Variants in AFG1L observed in about 807,000 individuals in gnomAD.
AFG1L encodes the protein AFG1-like ATPase.
AFG1L carries 53 observed loss-of-function variants against 62.2 expected under a neutral mutation model. The observed-to-expected ratio is 0.85, with a 90% CI of 0.68 to 1.07. AFG1L has a LOEUF of 1.07. Among genes scored for constraint, AFG1L ranks in the 50% least tolerant of loss-of-function variants. AFG1L has a pLI of 0.00. For synonymous variants in AFG1L, 228 were observed against 210.3 expected, an observed-to-expected ratio of 1.08 and a Z score of -0.73; for missense variants, 555 against 590.5, an observed-to-expected ratio of 0.94 and a Z score of 0.62.
chr6:108,385,826 C>T (rs1053611980), intron 6 of AFG1L, among the ~76,000 whole-genome samples: 8 of 152,172 alleles, frequency 5.3e-5, no homozygotes, highest in South Asian at 2.1e-4. Flanking sequence ...GAACTTCCTG[C>T]GAGAATGAAG....
At chr6:108,406,117 C>G (rs1781840920) in intron 7 of AFG1L, among the ~76,000 whole-genome samples, 1 of 152,142 alleles carries the variant, frequency 6.6e-6, no homozygotes, top group Non-Finnish European at 1.5e-5. Context: ...CTGTTTGAGT[C>G]CCTGCTTTCA....
At chr6:108,452,800 A>AG (rs913983117) in intron 8 of AFG1L, among the ~76,000 whole-genome samples, 1 of 152,102 alleles carries the variant, frequency 6.6e-6, no homozygotes, top group Non-Finnish European at 1.5e-5. Flanking sequence ...TGTTTTGCTG[A>AG]GGGCCTAGAT....
intron 8 of AFG1L, among the ~76,000 whole-genome samples, chr6:108,458,877 T>C (rs1221115087): frequency 6.6e-6 from 1 of 152,192 alleles, no homozygotes; most frequent in African/African-American, 2.4e-5. Flanking sequence ...TTCCTTTAAG[T>C]ACTTTGAGAC....
In AFG1L at chr6:108,323,911, C is replaced by G; in HGVS notation, c.226C>G (p.Leu76Val). Reference protein sequence around the residue: ...LKALAVCHGPLDHYDFLIKAH... With the variant: ...LKALAVCHGPVDHYDFLIKAH... ...AGCTTTGGCCGTTTGCCATGGACCT[C>G]TGGACCACTATGATTTTCTGATCAA... Residue 76 changes from leucine (L) to valine (V), a missense_variant, in exon 2 of 13, where the codon CTG (leucine) becomes GTG (valine). Physicochemically the swap from Leu to Val is conservative, Grantham distance 32 (BLOSUM62 1). Coordinates refer to ENST00000368977, the MANE Select transcript of AFG1L (RefSeq NM_145315.5). 1 of 1,614,174 alleles carries G rather than the reference C, an allele frequency of 6.2e-7. No homozygotes were observed. The highest frequency in any genetic ancestry group is 8.5e-7 in the Non-Finnish European group (1 of 1,180,026).
chr6:108,327,474 G>T (rs553419119), intron 2 of AFG1L, among the ~76,000 whole-genome samples: 2 of 152,206 alleles, frequency 1.3e-5, no homozygotes, highest in Non-Finnish European at 2.9e-5. Context: ...GGCAAATTCA[G>T]TGTCTGATGA....
intron 1 of AFG1L, among the ~76,000 whole-genome samples, chr6:108,310,882 A>C (rs1043982647): frequency 6.6e-6 from 1 of 152,058 alleles, no homozygotes; most frequent in Non-Finnish European, 1.5e-5. Flanking sequence ...CCTGGAAGTT[A>C]ATATTATTTT....
In AFG1L at chr6:108,502,164, T is replaced by C. The variant is rs557993340; in HGVS notation, c.1063-8048T>C. Among the ~76,000 whole-genome samples, 4 of 151,834 alleles carry C rather than the reference T, an allele frequency of 2.6e-5. No individual in the cohort carries two copies. In the East Asian group the frequency reaches 7.8e-4, roughly 30 times the overall value. On this transcript the variant is annotated intron_variant, in intron 10 of 12. Coordinates refer to ENST00000368977, the MANE Select transcript of AFG1L (RefSeq NM_145315.5). ...GGCTCAGCCTCCTGAGTAGCTGAGA[T>C]TACAGGTGCAGCCACCATGCCTGGT...
chr6:108,334,307 G>T (rs56774334), intron 2 of AFG1L, among the ~76,000 whole-genome samples: 14,549 of 151,900 alleles, frequency 0.096, 1,938 homozygotes, highest in African/African-American at 0.3. Context: ...GCCTGGCAGG[G>T]TTAATTGATT....
chr6:108,485,246 A>G (rs1297287993), intron 10 of AFG1L, among the ~76,000 whole-genome samples: 1 of 152,178 alleles, frequency 6.6e-6, no homozygotes, highest in Non-Finnish European at 1.5e-5. Context: ...TCTCAGACTC[A>G]GCAGACTGAA....
intron 7 of AFG1L, among the ~76,000 whole-genome samples, chr6:108,407,794 G>A (rs556050139): frequency 2.8e-4 from 42 of 151,994 alleles, no homozygotes; most frequent in African/African-American, 1.0e-3. Flanking sequence ...TACTTTTCAG[G>A]GTCTCCTGAT....
chr6:108,332,757 A>G (rs1214399663), intron 2 of AFG1L, among the ~76,000 whole-genome samples: 1 of 151,946 alleles, frequency 6.6e-6, no homozygotes, highest in African/African-American at 2.4e-5. Context: ...ACATGTGCAT[A>G]CCACCATGCC....
At chr6:108,407,960 C>T (rs1281722737) in intron 7 of AFG1L, among the ~76,000 whole-genome samples, 2 of 152,116 alleles carry the variant, frequency 1.3e-5, no homozygotes, top group Non-Finnish European at 2.9e-5. Flanking sequence ...TTTTTTCCCC[C>T]TGGTTGTGAG....
chr6:108,446,810 T>C (rs960444070), intron 7 of AFG1L, among the ~76,000 whole-genome samples: 2 of 152,024 alleles, frequency 1.3e-5, no homozygotes, highest in African/African-American at 4.8e-5. Flanking sequence ...CACTCCCAGC[T>C]CTCTTATGCT....
At position 108,447,181 on chromosome 6, in the gene AFG1L, T is replaced by C. The variant is rs764610715; in HGVS notation, c.808-33T>C. ...GATTGTAATTCTGAGCCACTACTTG[T>C]TTAAAAAGGCACTTCATTTGTTTGG... On this transcript the variant is annotated intron_variant, in intron 7 of 12. Coordinates refer to ENST00000368977, the MANE Select transcript of AFG1L (RefSeq NM_145315.5). The C allele has an allele frequency of 5.2e-6, 6 of 1,161,514 alleles. No homozygotes were observed. In the Admixed American group the frequency reaches 1.1e-4, roughly 21 times the overall value. The allele number at this position is 1,161,514 out of a possible 1,614,324, so 72.0% of individuals were successfully genotyped here. A position where few individuals can be genotyped will look rare whatever the true frequency, so the allele number is the denominator to read the frequency against.
chr6:108,296,809 C>T (rs913578946), intron 1 of AFG1L, among the ~76,000 whole-genome samples: 1 of 152,160 alleles, frequency 6.6e-6, no homozygotes, highest in African/African-American at 2.4e-5. Flanking sequence ...ATAAAATTCA[C>T]TGAATGCTTA....
intron 8 of AFG1L, among the ~76,000 whole-genome samples, chr6:108,465,501 C>G (rs1772629274): frequency 6.6e-6 from 1 of 151,988 alleles, no homozygotes; most frequent in South Asian, 2.1e-4. Context: ...TCCCAAATAC[C>G]AGATTTTTAA....
At chr6:108,403,714 A>C (rs1781729209) in intron 7 of AFG1L, among the ~76,000 whole-genome samples, 1 of 152,148 alleles carries the variant, frequency 6.6e-6, no homozygotes, top group Non-Finnish European at 1.5e-5. Context: ...AGCATAAAAT[A>C]CACAAAATAT....
At chr6:108,331,583 A>G (rs1205979190) in intron 2 of AFG1L, among the ~76,000 whole-genome samples, 1 of 152,226 alleles carries the variant, frequency 6.6e-6, no homozygotes, top group Non-Finnish European at 1.5e-5. Context: ...AAGAATGAAC[A>G]TTTATAAACA....
intron 7 of AFG1L, among the ~76,000 whole-genome samples, chr6:108,412,810 C>G (rs1217989112): frequency 6.6e-6 from 1 of 152,202 alleles, no homozygotes; most frequent in East Asian, 1.9e-4. Flanking sequence ...ACTGCAAAAT[C>G]ATGCCAAATT....
Sources: allele counts gnomAD v4.1 joint callset (sites outside exome capture counted in the v4.1 genomes callset), GRCh38; gene constraint gnomAD v4.1.1; transcripts MANE v1.5; gene names NCBI Gene and HGNC (gene_info 2026-07-23, HGNC 2026-07-21).